UNC79: variants seen among roughly 807,000 people sequenced by gnomAD.
UNC79 encodes unc-79 subunit of NALCN channel complex.
UNC79 carries 37 observed loss-of-function variants against 283.1 expected under a neutral mutation model. That is an observed-to-expected ratio of 0.13 (90% CI 0.10 to 0.17). The LOEUF is 0.17. Ranked by LOEUF, UNC79 falls within the 10% of genes least tolerant of loss-of-function variation. The probability of loss-of-function intolerance (pLI) is 1.00; values close to 1 mark genes in which losing one functional copy is unlikely to be tolerated. For missense variants in UNC79, 2,272 were observed against 3,211.1 expected, an observed-to-expected ratio of 0.71 and a Z score of 7.07; for synonymous variants, 1,107 against 1,200.2, an observed-to-expected ratio of 0.92 and a Z score of 1.61.
chr14:93,673,507 G>C, intron 41 of UNC79, 52 bp downstream of exon 44: 2 of 1,486,468 alleles, frequency 1.3e-6, no homozygotes, highest in African/African-American at 1.4e-5. Flanking sequence ...TGTATGTTTG[G>C]GAAAATTAAG....
chr14:93,521,569 G>A (rs552156850), intron 7 of UNC79, among the ~76,000 whole-genome samples: 1 of 151,798 alleles, frequency 6.6e-6, no homozygotes, highest in Non-Finnish European at 1.5e-5. Flanking sequence ...CAGGGTGATT[G>A]TGGGGCTCAC....
At chr14:93,706,943 G>A, downstream of UNC79, 1 of 1,606,946 alleles carries the variant, frequency 6.2e-7, no homozygotes, top group Non-Finnish European at 8.5e-7. Flanking sequence ...CTCTGGTTTA[G>A]CAATAATGGG....
intron 27 of UNC79, among the ~76,000 whole-genome samples, chr14:93,614,815 C>T (rs2066581128): frequency 6.6e-6 from 1 of 152,128 alleles, no homozygotes; most frequent in African/African-American, 2.4e-5. Context: ...CATCCATTCC[C>T]CTAGTTATGG....
intron 7 of UNC79, among the ~76,000 whole-genome samples, chr14:93,499,409 CATTT>C (rs2059177335): frequency 2.0e-5 from 3 of 152,270 alleles, no homozygotes; most frequent in Admixed American, 6.5e-5. Flanking sequence ...TATTAAATAA[CATTT>C]ATTTATTTGA....
intron 7 of UNC79, among the ~76,000 whole-genome samples, chr14:93,522,869 A>G (rs998224976): frequency 1.3e-5 from 2 of 152,144 alleles, no homozygotes; most frequent in Non-Finnish European, 2.9e-5. Context: ...AATCTTATAC[A>G]TGGTCTAACA....
chr14:93,424,543 A>G (rs1484643915), intron 1 of UNC79, among the ~76,000 whole-genome samples: 1 of 152,210 alleles, frequency 6.6e-6, no homozygotes, highest in African/African-American at 2.4e-5. Flanking sequence ...AAAGAATGAG[A>G]TCCTGCCATT....
intron 1 of UNC79, among the ~76,000 whole-genome samples, chr14:93,418,456 C>T (rs1244358488): frequency 2.2e-4 from 34 of 151,898 alleles, no homozygotes; most frequent in Middle Eastern, 3.4e-3. Context: ...AGTTAGGCTG[C>T]TCGGGGGTCA....
rs2054305196 is a variant in UNC79 at position 93,365,267 on chromosome 14, T to C, written c.-351+31744T>C. Among the ~76,000 whole-genome samples, 6 of 150,606 alleles carry C rather than the reference T, an allele frequency of 4.0e-5. No individual in the cohort carries two copies. The Admixed American group carries it at 4.0e-4, about 10-fold the overall frequency. Reference sequence around the variant, plus strand: ...GGGTTGTGGTGGCAGGTGCCTATAATCCCAGCTACTTGAAGGCTGAGGCAG... The same window carrying C: ...GGGTTGTGGTGGCAGGTGCCTATAACCCCAGCTACTTGAAGGCTGAGGCAG... On this transcript the variant is annotated intron_variant, in intron 1 of 49. Transcript: ENST00000256339.
At chr14:93,466,559 C>T (rs569557278) in intron 1 of UNC79, among the ~76,000 whole-genome samples, 32 of 152,170 alleles carry the variant, frequency 2.1e-4, no homozygotes, top group Non-Finnish European at 4.1e-4. Context: ...GATATTTTGT[C>T]GTTCTGTGCT....
chr14:93,425,310 G>T (rs539697007), intron 1 of UNC79, among the ~76,000 whole-genome samples: 1 of 152,212 alleles, frequency 6.6e-6, no homozygotes, highest in African/African-American at 2.4e-5. Context: ...GGGAGTAACC[G>T]CCCCCATGAC....
intron 1 of UNC79, among the ~76,000 whole-genome samples, chr14:93,411,075 GCATTGCCCCGAAGGGTGAGT>G: frequency 6.6e-6 from 1 of 152,158 alleles, no homozygotes; most frequent in East Asian, 1.9e-4. Flanking sequence ...AGAGGGGAGC[GCATTGCCCCGAAGGGTGAGT>G]CCCAGGCTAG....
chr14:93,615,141 T>C (rs1036005115), intron 27 of UNC79, among the ~76,000 whole-genome samples: 14 of 152,150 alleles, frequency 9.2e-5, no homozygotes, highest in African/African-American at 3.4e-4. Context: ...ATTTCCTTTT[T>C]TGATAGATTA....
exon 14 of UNC79, chr14:93,542,562 A>G: frequency 6.2e-7 from 1 of 1,614,156 alleles, no homozygotes; most frequent in Non-Finnish European, 8.5e-7. Context: ...TGCGTATATG[A>G]TGGATGATGA....
intron 41 of UNC79, 67 bp downstream of exon 44, chr14:93,673,522 G>A (rs2073069000): frequency 1.5e-6 from 2 of 1,327,562 alleles, no homozygotes; most frequent in Non-Finnish European, 2.1e-6. Context: ...ATTAAGGGAG[G>A]TGTAGAGTGT....
intron 23 of UNC79, among the ~76,000 whole-genome samples, chr14:93,595,913 G>T (rs2065044545): frequency 6.6e-6 from 1 of 152,012 alleles, no homozygotes; most frequent in African/African-American, 2.4e-5. Context: ...GTTTCTTAGT[G>T]GTATACATAT....
At chr14:93,372,332 A>G (rs551167930) in intron 1 of UNC79, among the ~76,000 whole-genome samples, 1 of 152,350 alleles carries the variant, frequency 6.6e-6, no homozygotes, top group South Asian at 2.1e-4. Flanking sequence ...TCTATTAATA[A>G]TAATTTTGAA....
At chr14:93,622,975 A>C in intron 30 of UNC79, 134 bp downstream of exon 32, 4 of 1,152,142 alleles carry the variant, frequency 3.5e-6, no homozygotes, top group Non-Finnish European at 4.8e-6. Flanking sequence ...ATGGCTTCTC[A>C]ATCACTCTGA....
At chr14:93,483,446 G>A (rs990797707) in intron 4 of UNC79, among the ~76,000 whole-genome samples, 1 of 150,808 alleles carries the variant, frequency 6.6e-6, no homozygotes, top group African/African-American at 2.4e-5. Flanking sequence ...AAATAGCCAC[G>A]TGTGACTAGT....
At chr14:93,347,642 G>A (rs2295702) in intron 1 of UNC79, among the ~76,000 whole-genome samples, 24,126 of 152,008 alleles carry the variant, frequency 0.16, 2,133 homozygotes, top group East Asian at 0.3. Flanking sequence ...GAACGCGCGG[G>A]GATTGGGCCT....
Sources: gnomAD v4.1 joint callset for allele counts (sites outside exome capture counted in the v4.1 genomes callset) on GRCh38, gnomAD v4.1.1 for gene constraint, MANE v1.5 for transcripts, NCBI Gene and HGNC (gene_info 2026-07-23, HGNC 2026-07-21) for gene names.